The following EEA1 variants were observed in gnomAD, a reference collection of about 807,000 sequenced individuals.
EEA1 encodes early endosome antigen 1.
Under a neutral mutation model 209.2 loss-of-function variants are expected in EEA1, and 111 were observed. The observed-to-expected ratio is 0.53, with a 90% confidence interval of 0.45 to 0.62. The LOEUF (loss-of-function observed/expected upper bound fraction) is 0.62, where lower values mean the gene tolerates loss of function less well. Among genes scored for constraint, EEA1 ranks in the 20% least tolerant of loss-of-function variants. The pLI, the probability that EEA1 is intolerant of heterozygous loss-of-function variation, is 0.00. For missense variants in EEA1, 1,343 were observed against 1,530.8 expected (o/e 0.88, Z 2.05); for synonymous variants, 536 against 540.6 (o/e 0.99, Z 0.12).
At chr12:92,799,664 G>A (rs1269170727) in intron 20 of EEA1, among the ~76,000 whole-genome samples, 3 of 152,024 alleles carry the variant, frequency 2.0e-5, no homozygotes, top group African/African-American at 7.2e-5. Context: ...GCAGGTGCCT[G>A]TAGTCCCAGC....
chr12:92,848,325 A>G (rs1298341128), intron 9 of EEA1, among the ~76,000 whole-genome samples: 1 of 152,018 alleles, frequency 6.6e-6, no homozygotes, highest in Non-Finnish European at 1.5e-5. Flanking sequence ...CCTATCTTTC[A>G]TAACTCTAGT....
At chr12:92,858,009 C>T (rs765475681) in intron 3 of EEA1, 11 of 346,244 alleles carry the variant, frequency 3.2e-5, no homozygotes, top group Non-Finnish European at 4.9e-5. Context: ...CTGCAACTTG[C>T]GCATTTCGCA....
intron 2 of EEA1, among the ~76,000 whole-genome samples, chr12:92,868,487 T>C (rs1265893477): frequency 6.6e-6 from 1 of 152,250 alleles, no homozygotes; most frequent in Non-Finnish European, 1.5e-5. Flanking sequence ...GCTTTTTGAC[T>C]ATTGGCTCCA....
chr12:92,833,954 T>C (rs1228035902), intron 10 of EEA1, among the ~76,000 whole-genome samples: 1 of 152,124 alleles, frequency 6.6e-6, no homozygotes, highest in African/African-American at 2.4e-5. Context: ...ACAATGAAGT[T>C]TGAGCCTGGT....
chr12:92,903,566 C>T (rs939774544), intron 1 of EEA1, among the ~76,000 whole-genome samples: 22 of 151,174 alleles, frequency 1.5e-4, no homozygotes, highest in African/African-American at 5.4e-4. Context: ...CCATTACACT[C>T]CAGCCTGGGC....
chr12:92,781,678 T>G (rs1253222810), intron 23 of EEA1, among the ~76,000 whole-genome samples: 1 of 152,180 alleles, frequency 6.6e-6, no homozygotes, highest in Non-Finnish European at 1.5e-5. Flanking sequence ...TTATCTTTTC[T>G]GCAATAACCA....
chr12:92,883,812 G>A, intron 2 of EEA1: 1 of 1,588,462 alleles, frequency 6.3e-7, no homozygotes, highest in Non-Finnish European at 8.6e-7. Context: ...CCGAACAGCT[G>A]AGGAAGCTCT....
intron 13 of EEA1, among the ~76,000 whole-genome samples, chr12:92,820,479 C>T (rs1008862737): frequency 2.1e-4 from 32 of 152,052 alleles, no homozygotes; most frequent in African/African-American, 4.6e-4. Context: ...TTCCTGCCAC[C>T]GATAGATAAC....
In EEA1 at chr12:92,874,891, A is replaced by G. The variant is rs191309964; in HGVS notation, c.118-9904T>C. Among the ~76,000 whole-genome samples, 195 of 152,362 alleles carry G rather than the reference A, an allele frequency of 1.3e-3. 2 individuals carry two copies. Among genetic ancestry groups the G allele is most frequent in the African/African-American group, 4.2e-3 (176 of 41,592 alleles). ...AAAGAAATGATACATGAATAAGGTG[A>G]TGGATACACTACACTGATCGGATTA... On this transcript the variant is annotated intron_variant, in intron 2 of 28. Transcript: ENST00000322349.
At position 92,781,950 on chromosome 12, in the gene EEA1, C is replaced by T. The variant is rs989020212; in HGVS notation, c.3336G>A (p.Lys1112=). Residue 1112 remains lysine, a splice_region_variant and synonymous_variant, in exon 23 of 29, where the codon AAG becomes AAA. Coordinates refer to ENST00000322349, the MANE Select transcript of EEA1 (RefSeq NM_003566.4). ...CKALQDIQKE[K]SLKEKELVNE... The stretch of plus-strand genomic sequence containing the variant: ...GATTTAGGTCAGAAACATGCAATAC[C>T]TTTTCTTTCTGAATGTCTTGTAGTG... 3 of 1,602,608 alleles carry T rather than the reference C, an allele frequency of 1.9e-6. No individual in the cohort carries two copies. The highest frequency in any genetic ancestry group is 1.7e-6 in the Non-Finnish European group (2 of 1,173,504).
At chr12:92,784,920 C>T (rs1874061389) in intron 22 of EEA1, among the ~76,000 whole-genome samples, 1 of 151,678 alleles carries the variant, frequency 6.6e-6, no homozygotes, top group Admixed American at 6.6e-5. Context: ...CAACCTTGAC[C>T]CTGATTATGC....
In EEA1 at chr12:92,819,391, G is replaced by C; in HGVS notation, c.1645C>G (p.Leu549Val). 1 of 1,612,834 alleles carries C rather than the reference G, an allele frequency of 6.2e-7. No homozygotes were observed. The highest frequency in any genetic ancestry group is 8.5e-7 in the Non-Finnish European group (1 of 1,179,414). The stretch of plus-strand genomic sequence containing the variant: ...TCACCAGCCTGAATTTTTGCATAAA[G>C]ATCTTCTCTTTCTTTTTCTAGTAAT... ...ISLLEKERED[L>V]YAKIQAGEGE... The change falls in exon 14 of 29, where the codon CTT becomes GTT. Residue 549 changes from leucine to valine, a missense_variant. Around this residue, in one of 3 missense-constraint regions of EEA1, gnomAD observed 1,307 missense variants for 1,465.5 expected, o/e 0.89. Transcript: ENST00000322349.
chr12:92,921,761 A>G (rs1382193658), intron 1 of EEA1, among the ~76,000 whole-genome samples: 1 of 80,644 alleles, frequency 1.2e-5, no homozygotes, highest in African/African-American at 4.1e-5. Flanking sequence ...AAAAAAAAGA[A>G]AAAAAAAAAA....
At chr12:92,856,440 G>A (rs1471291919) in intron 5 of EEA1, among the ~76,000 whole-genome samples, 2 of 152,020 alleles carry the variant, frequency 1.3e-5, no homozygotes, top group Admixed American at 6.6e-5. Flanking sequence ...TTATTTTTAT[G>A]TAAAGTCATA....
intron 2 of EEA1, chr12:92,884,592 G>A: frequency 2.0e-6 from 3 of 1,464,416 alleles, no homozygotes; most frequent in Non-Finnish European, 2.8e-6. Context: ...TTTGGAGGCA[G>A]AAGCCCTGGC....
At chr12:92,807,262 T>TTTA (rs1875259394) in intron 18 of EEA1, among the ~76,000 whole-genome samples, 1 of 151,992 alleles carries the variant, frequency 6.6e-6, no homozygotes, top group Non-Finnish European at 1.5e-5. Context: ...AATTTTTTTT[T>TTTA]TATATATAAC....
rs563821970 is a variant in EEA1 at position 92,870,245 on chromosome 12, C to A, written c.118-5258G>T. On this transcript the variant is annotated intron_variant, in intron 2 of 28. Transcript: ENST00000322349. ...GAATCCTTTCTTATATACATAATTA[C>A]CTCATAGAAAAAAGTAATTTTTGGT... 8.5e-5 allele frequency among the ~76,000 whole-genome samples: 13 copies of A among 152,128 alleles called. No homozygotes were observed. In the South Asian group the frequency reaches 2.5e-3, roughly 29 times the overall value.
rs1224310519 is a variant in EEA1 at position 92,779,129 on chromosome 12, T to C, written c.3640A>G (p.Lys1214Glu). The change falls in exon 25 of 29, where the codon AAA becomes GAA. Residue 1214 changes from lysine (K) to glutamate (E), a missense_variant. By Grantham distance (56) the Lys-to-Glu change is moderately conservative. This residue lies in a region of EEA1 where 1,307 missense variants were observed against 1,465.5 expected (regional missense o/e 0.89). Transcript: ENST00000322349. The stretch of plus-strand genomic sequence containing the variant: ...AACTCACTGACCAACTTAGCTTCTT[T>C]CTCAATAAATTCTTTCTTCAGCTCC... The part of the protein sequence containing the change: ...EEELKKEFIE[K>E]EAKLHSEIKE... The C allele has an allele frequency of 1.9e-6, 3 of 1,600,202 alleles. No individual in the cohort carries two copies. In the East Asian group the frequency reaches 6.7e-5, roughly 36 times the overall value.
intron 1 of EEA1, among the ~76,000 whole-genome samples, chr12:92,917,351 C>T (rs1406947569): frequency 7.0e-6 from 1 of 142,706 alleles, no homozygotes; most frequent in Non-Finnish European, 1.5e-5. Flanking sequence ...AGAGAAAGGT[C>T]GGGTTATCCT....
Sources: gnomAD v4.1 joint callset for allele counts (sites outside exome capture counted in the v4.1 genomes callset) on GRCh38, gnomAD v4.1.1 for gene constraint, gnomAD v4.1.1 regional missense constraint, MANE v1.5 for transcripts, NCBI Gene and HGNC (gene_info 2026-07-23, HGNC 2026-07-21) for gene names.